Variants in SH3RF2 observed in about 807,000 individuals in gnomAD.
The protein encoded by SH3RF2 is SH3 domain containing ring finger 2.
A neutral mutation model predicts 59.0 loss-of-function variants in SH3RF2; 43 were observed. The ratio of observed to expected loss-of-function variants is 0.73; its 90% CI spans 0.57 to 0.94. The LOEUF (loss-of-function observed/expected upper bound fraction) is 0.94. Ranked by LOEUF, SH3RF2 falls within the 40% of genes least tolerant of loss-of-function variation. The pLI is 0.00. For synonymous variants in SH3RF2, 391 were observed against 391.5 expected (o/e 1.00, Z 0.01); for missense variants, 930 against 940.1 (o/e 0.99, Z 0.14).
intron 2 of SH3RF2, among the ~76,000 whole-genome samples, chr5:145,966,585 A>C (rs1388318584): frequency 6.6e-6 from 1 of 152,246 alleles, no homozygotes; most frequent in African/African-American, 2.4e-5. Flanking sequence ...CGAGAATTAA[A>C]ATACACATTC....
At chr5:145,952,705 A>G (rs1758238005) in intron 2 of SH3RF2, among the ~76,000 whole-genome samples, 1 of 152,234 alleles carries the variant, frequency 6.6e-6, no homozygotes. Flanking sequence ...CCTCAGAAGC[A>G]GATCCTGAGA....
intron 2 of SH3RF2, among the ~76,000 whole-genome samples, chr5:145,973,191 G>C (rs1481608143): frequency 6.6e-6 from 1 of 152,150 alleles, no homozygotes; most frequent in Non-Finnish European, 1.5e-5. Flanking sequence ...ATGTGCAAAG[G>C]CTCTAAGGTA....
chr5:145,959,097 G>C (rs6871753), intron 2 of SH3RF2, among the ~76,000 whole-genome samples: 1 of 151,996 alleles, frequency 6.6e-6, no homozygotes, highest in Non-Finnish European at 1.5e-5. Context: ...TCTCCAAAAG[G>C]TAACATGAAA....
intron 5 of SH3RF2, among the ~76,000 whole-genome samples, chr5:146,023,455 C>T (rs564228467): frequency 2.6e-5 from 4 of 152,242 alleles, no homozygotes; most frequent in Admixed American, 1.3e-4. Context: ...GTAATCCACC[C>T]GCCTCGGCCT....
chr5:145,997,886 C>G, intron 2 of SH3RF2: 1 of 971,554 alleles, frequency 1.0e-6, no homozygotes, highest in South Asian at 1.3e-5. Context: ...CAACAGAACT[C>G]AGCTCTGAAG....
At chr5:145,956,421 G>A (rs948322509) in intron 2 of SH3RF2, among the ~76,000 whole-genome samples, 2 of 152,114 alleles carry the variant, frequency 1.3e-5, no homozygotes, top group East Asian at 3.9e-4. Flanking sequence ...GATTACAGGT[G>A]TGCGCCACCA....
intron 7 of SH3RF2, 77 bp downstream of exon 7, chr5:146,049,322 GA>G: frequency 1.4e-6 from 2 of 1,474,060 alleles, no homozygotes; most frequent in Non-Finnish European, 1.8e-6. Flanking sequence ...TGAACTGGTG[GA>G]AGACCCAGTG....
intron 5 of SH3RF2, among the ~76,000 whole-genome samples, chr5:146,018,432 C>T (rs1761186389): frequency 6.6e-6 from 1 of 151,958 alleles, no homozygotes; most frequent in East Asian, 1.9e-4. Context: ...TTATTTTATT[C>T]TTTTTTATGG....
chr5:145,946,781 C>G (rs1758018705), intron 2 of SH3RF2, among the ~76,000 whole-genome samples: 1 of 152,140 alleles, frequency 6.6e-6, no homozygotes, highest in Non-Finnish European at 1.5e-5. Flanking sequence ...TTAACTGACA[C>G]TTAGTCATAG....
At chr5:146,066,090 T>A (rs1580952383), downstream of SH3RF2, among the ~76,000 whole-genome samples, 1 of 152,342 alleles carries the variant, frequency 6.6e-6, no homozygotes, top group Non-Finnish European at 1.5e-5. Context: ...AAACTGAAGC[T>A]TGAAAGTTAA....
intron 5 of SH3RF2, among the ~76,000 whole-genome samples, chr5:146,015,297 C>T (rs1194660870): frequency 6.6e-6 from 1 of 152,164 alleles, no homozygotes; most frequent in East Asian, 1.9e-4. Flanking sequence ...TGCCCACCAA[C>T]TGCACCACAT....
At chr5:145,990,069 A>G (rs1759876683) in intron 2 of SH3RF2, among the ~76,000 whole-genome samples, 1 of 152,218 alleles carries the variant, frequency 6.6e-6, no homozygotes, top group South Asian at 2.1e-4. Context: ...TAATTTAAGT[A>G]ATCAACAGTA....
chr5:146,025,151 C>T (rs557768726), intron 5 of SH3RF2, among the ~76,000 whole-genome samples: 2 of 152,354 alleles, frequency 1.3e-5, no homozygotes, highest in East Asian at 3.8e-4. Flanking sequence ...CATAATCCCT[C>T]AGCATATATT....
intron 5 of SH3RF2, among the ~76,000 whole-genome samples, chr5:146,033,778 A>G (rs1761829735): frequency 6.6e-6 from 1 of 152,144 alleles, no homozygotes; most frequent in South Asian, 2.1e-4. Flanking sequence ...CCATGCCCTA[A>G]GCCTTTTTGT....
intron 2 of SH3RF2, among the ~76,000 whole-genome samples, chr5:145,986,226 C>T (rs577926871): frequency 1.8e-4 from 27 of 152,252 alleles, no homozygotes; most frequent in African/African-American, 4.6e-4. Context: ...GAAACCTCCA[C>T]GTCATTAGTC....
intron 2 of SH3RF2, among the ~76,000 whole-genome samples, chr5:145,949,002 G>C (rs933883623): frequency 6.6e-6 from 1 of 152,172 alleles, no homozygotes; most frequent in African/African-American, 2.4e-5. Context: ...AAGAAACTGC[G>C]GTTAGATTAG....
chr5:145,992,044 C>A (rs1021042096), intron 2 of SH3RF2, among the ~76,000 whole-genome samples: 1 of 152,076 alleles, frequency 6.6e-6, no homozygotes, highest in African/African-American at 2.4e-5. Flanking sequence ...TTTAACACCT[C>A]CCAGATTCTC....
At chr5:146,036,540 C>T (rs1761943035) in intron 5 of SH3RF2, among the ~76,000 whole-genome samples, 1 of 151,876 alleles carries the variant, frequency 6.6e-6, no homozygotes, top group African/African-American at 2.4e-5. Context: ...ACTAAAAATA[C>T]AAAAACTAGC....
chr5:146,057,941 T>G (rs1392820429), intron 8 of SH3RF2, among the ~76,000 whole-genome samples: 4 of 119,246 alleles, frequency 3.4e-5, no homozygotes, highest in African/African-American at 1.3e-4. Context: ...TCTCTCTCTC[T>G]CTCTCTCTCT....
Sources: gnomAD v4.1 joint callset for allele counts (sites outside exome capture counted in the v4.1 genomes callset) on GRCh38, gnomAD v4.1.1 for gene constraint, MANE v1.5 for transcripts, NCBI Gene and HGNC (gene_info 2026-07-23, HGNC 2026-07-21) for gene names.